The following KRT2 variants were observed in gnomAD, a reference collection of about 807,000 sequenced individuals.
KRT2 encodes keratin, type II cytoskeletal 2 epidermal.
Under a neutral mutation model 48.5 loss-of-function variants are expected in KRT2, and 37 were observed. The ratio of observed to expected loss-of-function variants is 0.76; its 90% CI spans 0.59 to 1.00. The LOEUF (loss-of-function observed/expected upper bound fraction) is 1.00, where lower values mean the gene tolerates loss of function less well. KRT2 is among the 50% of genes least tolerant of loss of function. KRT2 has a pLI of 0.00. For missense variants in KRT2, 880 were observed against 815.2 expected (o/e 1.08, Z -0.97); for synonymous variants, 324 against 312.2 (o/e 1.04, Z -0.40).
At position 52,648,308 on chromosome 12, in the gene KRT2, A is replaced by G. The variant is rs1941199688; in HGVS notation, c.987T>C (p.Thr329=). 6.2e-7 allele frequency: 1 copy of G among 1,614,056 alleles called. No individual in the cohort carries two copies. The highest frequency in any genetic ancestry group is 8.5e-7 in the Non-Finnish European group (1 of 1,180,020). ...AEISQIHQSV[T]DTNVILSMDN... is the part of the protein sequence containing the mutation. ...CCATGGAGAGGATGACGTTGGTGTC[A>G]GTGACACTCTGATGTATCTGGGATA... The change falls in exon 5 of 9, where the codon ACT becomes ACC. Residue 329 remains threonine (T), a synonymous_variant. Transcript: ENST00000309680.
At chr12:52,647,617 A>G in intron 6 of KRT2, 113 bp downstream of exon 6, 1 of 1,243,714 alleles carries the variant, frequency 8.0e-7, no homozygotes, top group South Asian at 1.3e-5. Flanking sequence ...TACATGCTAG[A>G]GTGCAATATC....
At position 52,645,245 on chromosome 12, in the gene KRT2, G is replaced by T. The variant is rs1365527480; in HGVS notation, c.1694C>A (p.Ser565Tyr). 1 of 1,613,996 alleles carries T rather than the reference G, an allele frequency of 6.2e-7. No homozygotes were observed. Among genetic ancestry groups the T allele is most frequent in the Admixed American group, 1.7e-5 (1 of 60,016 alleles). ...GTATCTTCCTCCAGAACCACCGCCA[G>T]AGCCATATCCTCCTCCAGAGATAGA... ...GGSISGGGYG[S>Y]GGGSGGRYGS... is the part of the protein sequence containing the mutation. Residue 565 changes from serine to tyrosine, a missense_variant, in exon 9 of 9, where the codon TCT (serine) becomes TAT (tyrosine). Physicochemically the swap from Ser to Tyr is moderately radical, Grantham distance 144. Transcript: ENST00000309680.
At position 52,647,711 on chromosome 12, in the gene KRT2, G is replaced by A; in HGVS notation, c.1248+19C>T. ...CAGAGACAACCTCCCGCCCCTCGCT[G>A]GACAGGGCTGGGCCTCACCTGCTTC... is the stretch of plus-strand genomic sequence containing the variant. On this transcript the variant is annotated intron_variant, in intron 6 of 8. Coordinates refer to ENST00000309680, the MANE Select transcript of KRT2 (RefSeq NM_000423.3). 6.2e-7 allele frequency: 1 copy of A among 1,613,222 alleles called. No individual in the cohort carries two copies.
Position 52,649,052 on chromosome 12 carries a change from G to A in KRT2, c.912C>T (p.Asp304=), listed in dbSNP as rs772322041. 5.0e-6 allele frequency: 8 copies of A among 1,613,448 alleles called. No individual in the cohort carries two copies. The South Asian group carries it at 8.8e-5, about 18-fold the overall frequency. ...GAAACTCAATTTCCTGGTTCAGCAG[G>A]TCCACCTTGGACTGCAACTCCACCT... is the stretch of plus-strand genomic sequence containing the variant. ...MIKVELQSKV[D]LLNQEIEFLK... is the part of the protein sequence containing the mutation. Residue 304 remains aspartate, a synonymous_variant, in exon 4 of 9, where the codon GAC becomes GAT. Coordinates refer to ENST00000309680, the MANE Select transcript of KRT2 (RefSeq NM_000423.3).
chr12:52,649,166 A>G (rs945987675), intron 3 of KRT2, 64 bp from the exon 4 acceptor site: 3 of 954,572 alleles, frequency 3.1e-6, no homozygotes, highest in Non-Finnish European at 5.2e-6. Context: ...TCTCTCTGCC[A>G]CTCCCCTCTA....
At position 52,650,450 on chromosome 12, in the gene KRT2, T is replaced by C; in HGVS notation, c.689A>G (p.Gln230Arg). The change falls in exon 2 of 9, where the codon CAG (glutamine) becomes CGG (arginine). Residue 230 changes from glutamine (Q) to arginine (R), a missense_variant. By Grantham distance (43) the Gln-to-Arg change is conservative. Coordinates refer to ENST00000309680, the MANE Select transcript of KRT2 (RefSeq NM_000423.3). ...TRPINLEPIFQGYIDSLKRYL... is the reference protein window; with the variant it reads ...TRPINLEPIFRGYIDSLKRYL... ...TCTCTTGAGGCTGTCGATATACCCC[T>C]GGAAGATGGGCTCCAGGTTGATGGG... The C allele has an allele frequency of 1.2e-6, 2 of 1,614,148 alleles. No individual in the cohort carries two copies. Among genetic ancestry groups the C allele is most frequent in the Non-Finnish European group, 1.7e-6 (2 of 1,179,998 alleles).
At chr12:52,648,904 G>C in intron 4 of KRT2, 103 bp downstream of exon 4, 1 of 782,412 alleles carries the variant, frequency 1.3e-6, no homozygotes, top group Non-Finnish European at 2.3e-6. Flanking sequence ...GAAGTCAGCT[G>C]GTCCATAAAC....
chr12:52,648,968 G>A (rs541009244), intron 4 of KRT2, 39 bp downstream of exon 4: 1 of 1,227,126 alleles, frequency 8.1e-7, no homozygotes, highest in South Asian at 1.2e-5. Context: ...TGGTGAGAAG[G>A]GTGGGAAGTA....
In KRT2 at chr12:52,645,055, T is replaced by C. The variant is rs375485609; in HGVS notation, c.1884A>G (p.Glu628=). Residue 628 remains glutamate, a synonymous_variant, in exon 9 of 9, where the codon GAA becomes GAG. Transcript: ENST00000309680. ...GSSSVKGSSG[E]AFGSSVTFSF... Reference sequence around the variant, plus strand: ...AGAAGGTCACGCTGGAACCAAAAGCTTCACCTGAGCTACCCTTTACAGAGC... The same window carrying C: ...AGAAGGTCACGCTGGAACCAAAAGCCTCACCTGAGCTACCCTTTACAGAGC... 9 of 1,614,032 alleles carry C rather than the reference T, an allele frequency of 5.6e-6. No individual in the cohort carries two copies. The highest frequency in any genetic ancestry group is 2.2e-5 in the East Asian group (1 of 44,868).
chr12:52,644,941 G>C lies in KRT2; in HGVS notation c.*78C>G. ...CAAAAATTTAACTTGCTGCCAGTTA[G>C]AGGTACAGAGACAGGCTTCTACATT... On this transcript the variant is annotated 3_prime_UTR_variant, in exon 9 of 9. Coordinates refer to ENST00000309680, the MANE Select transcript of KRT2 (RefSeq NM_000423.3). 1 of 1,505,904 alleles carries C rather than the reference G, an allele frequency of 6.6e-7. No homozygotes were observed. Among genetic ancestry groups the C allele is most frequent in the African/African-American group, 1.4e-5 (1 of 72,260 alleles). 93.3% of individuals were successfully genotyped at this position (1,505,904 alleles called of 1,614,324 possible).
chr12:52,645,218 C>A lies in KRT2; in HGVS notation c.1721G>T (p.Gly574Val). ...GSGGGSGGRY[G>V]SGGGSKGGSI... ...CCCTCCCTTAGAGCCACCACCAGAT[C>A]CGTATCTTCCTCCAGAACCACCGCC... Residue 574 changes from glycine to valine, a missense_variant, in exon 9 of 9, where the codon GGA becomes GTA. Physicochemically the swap from Gly to Val is moderately radical, Grantham distance 109 (BLOSUM62 -3). Coordinates refer to ENST00000309680, the MANE Select transcript of KRT2 (RefSeq NM_000423.3). 6.2e-7 allele frequency: 1 copy of A among 1,613,902 alleles called. No homozygotes were observed. Among genetic ancestry groups the A allele is most frequent in the Non-Finnish European group, 8.5e-7 (1 of 1,179,966 alleles).
At position 52,644,658 on chromosome 12, in the gene KRT2, C is replaced by T. The variant is rs144609274; in HGVS notation, c.*361G>A. ...ATATACACAGAAACACATTTCCCCCCAGCACTGCCAGGCTTAGAGATGAAA... is the reference window on the plus strand; with the variant it reads ...ATATACACAGAAACACATTTCCCCCTAGCACTGCCAGGCTTAGAGATGAAA... On this transcript the variant is annotated 3_prime_UTR_variant, in exon 9 of 9. Transcript: ENST00000309680. The T allele has an allele frequency of 9.7e-5, 33 of 339,904 alleles. No homozygotes were observed. The highest frequency in any genetic ancestry group is 6.5e-4 in the African/African-American group (31 of 47,682). 21.1% of individuals were successfully genotyped at this position (339,904 alleles called of 1,614,324 possible). A position where few individuals can be genotyped will look rare whatever the true frequency, so the allele number is the denominator to read the frequency against.
Position 52,652,021 on chromosome 12 carries a change from G to C in KRT2, c.122C>G (p.Ser41Cys). 1 of 1,609,552 alleles carries C rather than the reference G, an allele frequency of 6.2e-7. No homozygotes were observed. The highest frequency in any genetic ancestry group is 1.1e-5 in the South Asian group (1 of 91,062). The change falls in exon 1 of 9, where the codon TCC becomes TGC. Residue 41 changes from serine (S) to cysteine (C), a missense_variant. Physicochemically the swap from Ser to Cys is moderately radical, Grantham distance 112 (BLOSUM62 -1). Coordinates refer to ENST00000309680, the MANE Select transcript of KRT2 (RefSeq NM_000423.3). ...GGSRRSTSSFSCLSRHGGGGG... is the reference protein window; with the variant it reads ...GGSRRSTSSFCCLSRHGGGGG... Reference sequence around the variant, plus strand: ...ACCACCACCATGGCGGCTCAAGCAGGAGAAGCTGGAAGTTGATCTCCGGCT... The same window carrying C: ...ACCACCACCATGGCGGCTCAAGCAGCAGAAGCTGGAAGTTGATCTCCGGCT...
chr12:52,651,871 C>A lies in KRT2; in HGVS notation c.272G>T (p.Gly91Val). Reference sequence around the variant, plus strand: ...GCCGCCTCCAAAACCACCTCCTCTGCCACCAAATCCACCAGCGGCGCCAAA... The same window carrying A: ...GCCGCCTCCAAAACCACCTCCTCTGACACCAAATCCACCAGCGGCGCCAAA... ...GGFGAAGGFG[G>V]RGGGFGGGSS... The change falls in exon 1 of 9, where the codon GGC becomes GTC. Residue 91 changes from glycine (G) to valine (V), a missense_variant. Physicochemically the swap from Gly to Val is moderately radical, Grantham distance 109. Transcript: ENST00000309680. The A allele has an allele frequency of 1.2e-6, 2 of 1,607,900 alleles. No homozygotes were observed. The highest frequency in any genetic ancestry group is 2.2e-5 in the South Asian group (2 of 90,596).
Position 52,648,322 on chromosome 12 carries a change from G to A in KRT2, c.973C>T (p.His325Tyr). The change falls in exon 5 of 9, where the codon CAT becomes TAT. Residue 325 changes from histidine (H) to tyrosine (Y), a missense_variant. Transcript: ENST00000309680. ...ACGTTGGTGTCAGTGACACTCTGAT[G>A]TATCTGGGATATCTCCTACAACACA... ...VLYDAEISQI[H>Y]QSVTDTNVIL... The A allele has an allele frequency of 1.2e-6, 2 of 1,614,046 alleles. No individual in the cohort carries two copies. Among genetic ancestry groups the A allele is most frequent in the Non-Finnish European group, 1.7e-6 (2 of 1,179,912 alleles).
chr12:52,649,598 C>T (rs913001386), intron 3 of KRT2, among the ~76,000 whole-genome samples: 1 of 152,222 alleles, frequency 6.6e-6, no homozygotes, highest in African/African-American at 2.4e-5. Context: ...AGGGAAGTCC[C>T]ATTCCTTCCT....
At chr12:52,645,711 C>T (rs1941154035) in intron 7 of KRT2, 142 bp from the exon 8 acceptor site, 1 of 791,698 alleles carries the variant, frequency 1.3e-6, no homozygotes, top group Non-Finnish European at 2.2e-6. Context: ...TTCTTCTATG[C>T]TGCCAGGTCA....
At position 52,648,370 on chromosome 12, in the gene KRT2, C is replaced by T. The variant is rs116629958; in HGVS notation, c.958-33G>A. 3,322 of 1,598,036 alleles carry T rather than the reference C, an allele frequency of 2.1e-3. 63 individuals carry two copies. The African/African-American group carries it at 0.037, about 18-fold the overall frequency. ...ACACAGGAAGGTCTGGTCATGACAT[C>T]CTGCCATAGCTACAGGCAGACAGGA... is the stretch of plus-strand genomic sequence containing the variant. On this transcript the variant is annotated intron_variant, in intron 4 of 8. Coordinates refer to ENST00000309680, the MANE Select transcript of KRT2 (RefSeq NM_000423.3).
In KRT2 at chr12:52,647,701, G is replaced by A. The variant is rs191412785; in HGVS notation, c.1248+29C>T. ...CACGCACACCCAGAGACAACCTCCC[G>A]CCCCTCGCTGGACAGGGCTGGGCCT... On this transcript the variant is annotated intron_variant, in intron 6 of 8. Transcript: ENST00000309680. 69 of 1,612,194 alleles carry A rather than the reference G, an allele frequency of 4.3e-5. 1 individual carries two copies. Among genetic ancestry groups the A allele is most frequent in the Admixed American group, 3.8e-4 (23 of 59,822 alleles).
Sources: allele counts gnomAD v4.1 joint callset (sites outside exome capture counted in the v4.1 genomes callset), GRCh38; gene constraint gnomAD v4.1.1; transcripts MANE v1.5; gene names NCBI Gene and HGNC (gene_info 2026-07-23, HGNC 2026-07-21).